RPTOR: variants seen among roughly 807,000 people sequenced by gnomAD.
RPTOR encodes regulatory associated protein of MTOR complex 1, also known as regulatory-associated protein of mTOR.
A neutral mutation model predicts 169.9 loss-of-function variants in RPTOR; 21 were observed. The ratio of observed to expected loss-of-function variants is 0.12; its 90% confidence interval spans 0.09 to 0.18. RPTOR has a LOEUF of 0.18. Among genes scored for constraint, RPTOR ranks in the 10% least tolerant of loss-of-function variants. The pLI is 1.00. For missense variants in RPTOR, 1,133 were observed against 1,855.9 expected (o/e 0.61, Z 7.16); for synonymous variants, 732 against 753.2 (o/e 0.97, Z 0.46).
chr17:80,829,698 G>C (rs949511600), intron 9 of RPTOR, among the ~76,000 whole-genome samples: 1 of 152,222 alleles, frequency 6.6e-6, no homozygotes, highest in Non-Finnish European at 1.5e-5. Context: ...ACTTGTGGCC[G>C]AGTCTCAGGA....
intron 3 of RPTOR, among the ~76,000 whole-genome samples, chr17:80,682,655 C>CTGCTGACT (rs1205860638): frequency 6.6e-6 from 1 of 152,240 alleles, no homozygotes; most frequent in Non-Finnish European, 1.5e-5. Context: ...GAGCGTGGCC[C>CTGCTGACT]TGCTGACTTA....
intron 1 of RPTOR, among the ~76,000 whole-genome samples, chr17:80,588,130 C>T (rs955063528): frequency 2.0e-4 from 30 of 151,354 alleles, no homozygotes; most frequent in Non-Finnish European, 3.5e-4. Flanking sequence ...GAGTAGTATT[C>T]CATGGTGCAT....
rs1438457984 is a variant in RPTOR, at chr17:80,746,286, C to T, written c.655-7724C>T. 1.5e-5 allele frequency among the ~76,000 whole-genome samples: 2 copies of T among 133,480 alleles called. No homozygotes were observed. Among genetic ancestry groups the T allele is most frequent in the Non-Finnish European group, 3.5e-5 (2 of 56,942 alleles). The allele number at this position is 133,480 out of a possible 152,430, so 87.6% of individuals were successfully genotyped here. On this transcript the variant is annotated intron_variant, in intron 5 of 33. Coordinates refer to ENST00000306801, the MANE Select transcript of RPTOR (RefSeq NM_020761.3). This position sits in a 1 kb window ranked among gnomAD's most constrained non-coding sequence, Gnocchi z 4.5. ...CGGGTGATCCCCACCGCCCCCACAG[C>T]GGTGCTTTCTGCGGGTGATCCCCAC...
At chr17:80,924,671 T>C (rs1231782943) in intron 23 of RPTOR, among the ~76,000 whole-genome samples, 1 of 150,888 alleles carries the variant, frequency 6.6e-6, no homozygotes, top group Non-Finnish European at 1.5e-5. Flanking sequence ...CCCCCCGGGG[T>C]GGGGGGGATG....
intron 32 of RPTOR, 48 bp downstream of exon 32, chr17:80,962,625 C>T (rs911336091): frequency 6.6e-6 from 10 of 1,523,018 alleles, no homozygotes; most frequent in Non-Finnish European, 9.0e-6. Context: ...CCGCCTCGGG[C>T]CTCTGTGCAA....
intron 11 of RPTOR, among the ~76,000 whole-genome samples, chr17:80,850,607 CTT>C (rs1285427785): frequency 1.3e-5 from 2 of 152,196 alleles, no homozygotes; most frequent in African/African-American, 4.8e-5. Flanking sequence ...GTTTTAGTCC[CTT>C]TTCCTAGATG....
At position 80,711,744 on chromosome 17, in the gene RPTOR, C is replaced by CTTTTTTTTTTTT. The variant is rs1226456124; in HGVS notation, c.507+3750_507+3761dup. Among the ~76,000 whole-genome samples, 764 of 88,744 alleles carry CTTTTTTTTTTTT rather than the reference C, an allele frequency of 8.6e-3. 205 individuals carry two copies. The highest frequency in any genetic ancestry group is 0.035 in the African/African-American group (548 of 15,598). 58.2% of individuals were successfully genotyped at this position (88,744 alleles called of 152,430 possible). ...AGTTAACATATAGTTATACATCAGT[C>CTTTTTTTTTTTT]TTTTTTTTTTTTTTTTGAGGTTAAG... is the stretch of plus-strand genomic sequence containing the variant. On this transcript the variant is annotated intron_variant, in intron 4 of 33. Coordinates refer to ENST00000306801, the MANE Select transcript of RPTOR (RefSeq NM_020761.3).
intron 21 of RPTOR, among the ~76,000 whole-genome samples, chr17:80,914,791 G>A (rs1458643217): frequency 6.6e-6 from 1 of 152,248 alleles, no homozygotes; most frequent in East Asian, 1.9e-4. Context: ...GGCACAATCA[G>A]CCTGGGTGTT....
chr17:80,831,414 C>T (rs1349155613), intron 9 of RPTOR, among the ~76,000 whole-genome samples: 2 of 152,196 alleles, frequency 1.3e-5, no homozygotes, highest in Admixed American at 6.5e-5. Context: ...TGTTAACATT[C>T]GAAGTCTAAT....
intron 9 of RPTOR, among the ~76,000 whole-genome samples, chr17:80,835,130 A>C (rs2067549643): frequency 6.6e-6 from 1 of 152,096 alleles, no homozygotes; most frequent in Admixed American, 6.5e-5. Context: ...ATTGCTTCTT[A>C]ACTCTGTTGG....
In RPTOR at chr17:80,793,304, G is replaced by A. The variant is rs1037960168; in HGVS notation, c.890+1795G>A. Among the ~76,000 whole-genome samples, 7 of 152,250 alleles carry A rather than the reference G, an allele frequency of 4.6e-5. 1 individual carries two copies. Among genetic ancestry groups the A allele is most frequent in the Admixed American group, 4.6e-4 (7 of 15,304 alleles). On this transcript the variant is annotated intron_variant, in intron 7 of 33. Coordinates refer to ENST00000306801, the MANE Select transcript of RPTOR (RefSeq NM_020761.3). ...TCCGGTTCCAAGCATTTCAGATAAA[G>A]GGACACTTAACCTGTGTATATATAT...
At chr17:80,929,308 TG>T (rs1191041467) in intron 24 of RPTOR, among the ~76,000 whole-genome samples, 4 of 152,242 alleles carry the variant, frequency 2.6e-5, no homozygotes, top group Non-Finnish European at 5.9e-5. Context: ...GGAGGAGGCT[TG>T]GCCAGTTACA....
intron 3 of RPTOR, among the ~76,000 whole-genome samples, chr17:80,690,253 G>A (rs4889880): frequency 0.021 from 3,183 of 151,466 alleles, 59 homozygotes; most frequent in Non-Finnish European, 0.035. Flanking sequence ...GCAAATCCCA[G>A]ACTTCATGTA....
intron 3 of RPTOR, among the ~76,000 whole-genome samples, chr17:80,704,409 T>C (rs554618495): frequency 6.6e-6 from 1 of 152,334 alleles, no homozygotes; most frequent in East Asian, 1.9e-4. Context: ...AAACAGTTGA[T>C]GAATCCATCA....
At chr17:80,791,916 G>A (rs1041694764) in intron 7 of RPTOR, among the ~76,000 whole-genome samples, 1 of 151,228 alleles carries the variant, frequency 6.6e-6, no homozygotes, top group Non-Finnish European at 1.5e-5. Flanking sequence ...CTCCCCCCCT[G>A]TCGCCATCCA....
At chr17:80,732,588 G>T (rs2066401949) in intron 5 of RPTOR, among the ~76,000 whole-genome samples, 1 of 152,204 alleles carries the variant, frequency 6.6e-6, no homozygotes, top group African/African-American at 2.4e-5. Context: ...AGATGGCAAG[G>T]CAATGCGATA....
At chr17:80,691,137 T>G (rs980566759) in intron 3 of RPTOR, among the ~76,000 whole-genome samples, 1 of 152,142 alleles carries the variant, frequency 6.6e-6, no homozygotes, top group Non-Finnish European at 1.5e-5. Flanking sequence ...AAAGAAACCC[T>G]CTCATCAATT....
chr17:80,676,789 C>G (rs112996567), intron 3 of RPTOR, among the ~76,000 whole-genome samples: 10,120 of 152,328 alleles, frequency 0.066, 450 homozygotes, highest in Non-Finnish European at 0.098. Context: ...GGCTCTGTCC[C>G]TGTGTATTTC....
chr17:80,635,740 G>A (rs2065501206), intron 2 of RPTOR, among the ~76,000 whole-genome samples: 1 of 152,180 alleles, frequency 6.6e-6, no homozygotes, highest in Non-Finnish European at 1.5e-5. Flanking sequence ...AGTGCGTGGA[G>A]GAGCTTCTGG....
Sources: allele counts gnomAD v4.1 joint callset (sites outside exome capture counted in the v4.1 genomes callset), GRCh38; gene constraint gnomAD v4.1.1; non-coding constraint Gnocchi (gnomAD v3.1); transcripts MANE v1.5; gene names NCBI Gene and HGNC (gene_info 2026-07-23, HGNC 2026-07-21).